FCRL5: variants seen among roughly 807,000 people sequenced by gnomAD.
FCRL5 encodes Fc receptor-like protein 5.
In FCRL5, 79 loss-of-function variants were observed where a neutral mutation model predicts 92.1. The ratio of observed to expected loss-of-function variants is 0.86; its 90% CI spans 0.72 to 1.03. The LOEUF (loss-of-function observed/expected upper bound fraction) is 1.03, where lower values mean the gene tolerates loss of function less well. Ranked by LOEUF, FCRL5 falls within the 50% of genes least tolerant of loss-of-function variation. The pLI, the probability that FCRL5 is intolerant of heterozygous loss-of-function variation, is 0.00. For missense variants in FCRL5, 1,160 were observed against 1,181.1 expected (o/e 0.98, Z 0.26); for synonymous variants, 466 against 469.3 (o/e 0.99, Z 0.09).
At chr1:157,525,023 A>T (rs930403397) in intron 9 of FCRL5, among the ~76,000 whole-genome samples, 3 of 152,230 alleles carry the variant, frequency 2.0e-5, no homozygotes, top group East Asian at 1.9e-4. Flanking sequence ...AAATTTTTTA[A>T]AAAATTGAGC....
rs775962500 is a variant in FCRL5, at chr1:157,530,453, G to A, written c.1682-2558C>T. 5.3e-5 allele frequency among the ~76,000 whole-genome samples: 8 copies of A among 152,178 alleles called. No homozygotes were observed. In the East Asian group the frequency reaches 9.6e-4, roughly 18 times the overall value. On this transcript the variant is annotated intron_variant, in intron 8 of 16. Coordinates refer to ENST00000361835, the MANE Select transcript of FCRL5 (RefSeq NM_031281.3). ...GCGATCTTGGCTCAGCACAACCTCC[G>A]CCATCCGGGTTGAAGCGATTCTCCT...
At chr1:157,524,119 G>A in intron 10 of FCRL5, 160 bp downstream of exon 10, 2 of 665,770 alleles carry the variant, frequency 3.0e-6, no homozygotes, top group South Asian at 4.3e-5. Context: ...ATACCACAAA[G>A]GATCCGAGAC....
In FCRL5 at chr1:157,539,076, C is replaced by T. The variant is rs1329278027; in HGVS notation, c.1402+10G>A. On this transcript the variant is annotated intron_variant, in intron 7 of 16. Coordinates refer to ENST00000361835, the MANE Select transcript of FCRL5 (RefSeq NM_031281.3). ...CAGGGGTGGGTGATTGGCAGGAACC[C>T]AGGGCTTACCAGTGACGGAGAGGCT... The T allele has an allele frequency of 6.2e-7, 1 of 1,610,496 alleles. No individual in the cohort carries two copies. Among genetic ancestry groups the T allele is most frequent in the Non-Finnish European group, 8.5e-7 (1 of 1,178,620 alleles).
At chr1:157,543,168 G>T in intron 5 of FCRL5, 31 bp from the exon 6 acceptor site, 1 of 1,597,648 alleles carries the variant, frequency 6.3e-7, no homozygotes, top group Non-Finnish European at 8.5e-7. Context: ...GTCAAGAATT[G>T]CTTTTGCCTC....
chr1:157,515,591 A>G lies in FCRL5; in HGVS notation c.*84T>C. 1 of 1,613,350 alleles carries G rather than the reference A, an allele frequency of 6.2e-7. No individual in the cohort carries two copies. On this transcript the variant is annotated 3_prime_UTR_variant, in exon 17 of 17. Coordinates refer to ENST00000361835, the MANE Select transcript of FCRL5 (RefSeq NM_031281.3). ...GTAGATATGGTCTGGGGCAGCCTAA[A>G]TCTTCCCACTTCAATGCTGCTTCTC... is the stretch of plus-strand genomic sequence containing the variant.
chr1:157,528,049 AT>A, intron 8 of FCRL5, 154 bp from the exon 9 acceptor site: 1 of 837,574 alleles, frequency 1.2e-6, no homozygotes, highest in Non-Finnish European at 1.8e-6. Flanking sequence ...TGATGACATG[AT>A]TGTATACCTA....
At chr1:157,534,535 A>G in intron 8 of FCRL5, 79 bp downstream of exon 8, 1 of 1,538,634 alleles carries the variant, frequency 6.5e-7, no homozygotes, top group South Asian at 1.1e-5. Context: ...GAAACTGGAC[A>G]GTGCAAACAG....
At position 157,524,348 on chromosome 1, in the gene FCRL5, T is replaced by C. The variant is rs943113836; in HGVS notation, c.2170A>G (p.Ile724Val). 1 of 1,614,128 alleles carries C rather than the reference T, an allele frequency of 6.2e-7. No homozygotes were observed. Among genetic ancestry groups the C allele is most frequent in the African/African-American group, 1.3e-5 (1 of 74,946 alleles). ...CCATTGTCTGCCTCACAGGAGTAGA[T>C]TCCAGAATGTTCTGTAGTCAGAGAG... ...NLSLTTEHSG[I>V]YSCEADNGLE... Residue 724 changes from isoleucine (I) to valine (V), a missense_variant, in exon 10 of 17, where the codon ATC (isoleucine) becomes GTC (valine). By Grantham distance (29) the Ile-to-Val change is conservative. Transcript: ENST00000361835.
intron 11 of FCRL5, 99 bp downstream of exon 11, chr1:157,520,918 C>T (rs760923241): frequency 3.5e-5 from 48 of 1,376,994 alleles, no homozygotes; most frequent in Non-Finnish European, 4.2e-5. Flanking sequence ...TTACTTCGCC[C>T]TGAGGAGTGC....
In FCRL5 at chr1:157,524,495, G is replaced by C. The variant is rs779058569; in HGVS notation, c.2023C>G (p.Leu675Val). Reference sequence around the variant, plus strand: ...AGGGCCTCACAGTGAAGCTCCAGCAGGTCCCCCACCACAGCCTGGGCCCTG... The same window carrying C: ...AGGGCCTCACAGTGAAGCTCCAGCACGTCCCCCACCACAGCCTGGGCCCTG... ...APRAQAVVGDLLELHCEALRG... is the reference protein window; with the variant it reads ...APRAQAVVGDVLELHCEALRG... The change falls in exon 10 of 17, where the codon CTG (leucine) becomes GTG (valine). Residue 675 changes from leucine (L) to valine (V), a missense_variant. Coordinates refer to ENST00000361835, the MANE Select transcript of FCRL5 (RefSeq NM_031281.3). The C allele has an allele frequency of 6.2e-6, 10 of 1,614,142 alleles. No homozygotes were observed. The highest frequency in any genetic ancestry group is 8.5e-6 in the Non-Finnish European group (10 of 1,179,948).
chr1:157,546,591 T>G (rs1360585433), intron 3 of FCRL5, among the ~76,000 whole-genome samples: 3 of 152,188 alleles, frequency 2.0e-5, no homozygotes, highest in Non-Finnish European at 4.4e-5. Flanking sequence ...TATAAATTGC[T>G]GGACCCCACT....
rs1156748092 is a variant in FCRL5, at chr1:157,514,294, A to G, written c.*1381T>C. 2 of 152,260 alleles carry G rather than the reference A, an allele frequency of 1.3e-5. No individual in the cohort carries two copies. The highest frequency in any genetic ancestry group is 4.8e-5 in the African/African-American group (2 of 41,464). The allele number at this position is 152,260 out of a possible 1,614,324, so 9.4% of individuals were successfully genotyped here. On this transcript the variant is annotated 3_prime_UTR_variant, in exon 17 of 17. Coordinates refer to ENST00000361835, the MANE Select transcript of FCRL5 (RefSeq NM_031281.3). ...TCCCATTGCTCAGAGATGGGAGAAC[A>G]ACTCTGAATGGAGAGGGCTCAGGTT...
chr1:157,549,909 G>A (rs1276803316), intron 1 of FCRL5, among the ~76,000 whole-genome samples: 1 of 152,062 alleles, frequency 6.6e-6, no homozygotes, highest in Non-Finnish European at 1.5e-5. Context: ...GGGGTATGTT[G>A]GGGGCAGAAG....
Position 157,534,722 on chromosome 1 carries a change from C to A in FCRL5, c.1573G>T (p.Val525Leu). 1 of 1,614,072 alleles carries A rather than the reference C, an allele frequency of 6.2e-7. No individual in the cohort carries two copies. Among genetic ancestry groups the A allele is most frequent in the Non-Finnish European group, 8.5e-7 (1 of 1,180,002 alleles). Residue 525 changes from valine (V) to leucine (L), a missense_variant, in exon 8 of 17, where the codon GTG becomes TTG. Coordinates refer to ENST00000361835, the MANE Select transcript of FCRL5 (RefSeq NM_031281.3). The stretch of plus-strand genomic sequence containing the variant: ...TCAGTCAGAGAGAAGCTGAAGGACA[C>A]TCTTCCCACAGAGGGTGTTGAGCTG... ...WSSSTPSVGR[V>L]SFSFSLTEGH...
chr1:157,519,375 TTGA>T (rs1373818834), intron 13 of FCRL5, among the ~76,000 whole-genome samples: 1 of 152,186 alleles, frequency 6.6e-6, no homozygotes, highest in East Asian at 1.9e-4. Flanking sequence ...ACAAGAGGTG[TTGA>T]TGAGATCAGC....
chr1:157,532,898 G>T (rs1650763159), intron 8 of FCRL5: 1 of 148,472 alleles, frequency 6.7e-6, no homozygotes, highest in Non-Finnish European at 1.5e-5. Flanking sequence ...TTTGTCATTA[G>T]GTGTTTTTTC....
At position 157,543,016 on chromosome 1, in the gene FCRL5, A is replaced by G. The variant is rs1009580680; in HGVS notation, c.966T>C (p.Tyr322=). ...EDSLRTLYRF[Y]HEGVPLRHKS... ...TGTGCCTCAGGGGGACACCCTCATG[A>G]TAAAACCTGTACAAAGTGCGCAGAG... The change falls in exon 6 of 17, where the codon TAT becomes TAC. Residue 322 remains tyrosine, a synonymous_variant. Transcript: ENST00000361835. 5.0e-6 allele frequency: 8 copies of G among 1,614,220 alleles called. No individual in the cohort carries two copies. The highest frequency in any genetic ancestry group is 2.2e-5 in the East Asian group (1 of 44,882).
intron 6 of FCRL5, 121 bp from the exon 7 acceptor site, chr1:157,539,485 CT>C (rs1651146457): frequency 3.0e-5 from 27 of 887,868 alleles, no homozygotes; most frequent in Non-Finnish European, 4.4e-5. Context: ...AAGCTGGGAA[CT>C]ATTTCAGGCA....
intron 1 of FCRL5, among the ~76,000 whole-genome samples, chr1:157,551,728 G>A (rs1481384725): frequency 6.6e-6 from 1 of 152,150 alleles, no homozygotes; most frequent in East Asian, 1.9e-4. Context: ...CAACCAGTTC[G>A]CACATATGAG....
Sources: allele counts gnomAD v4.1 joint callset (sites outside exome capture counted in the v4.1 genomes callset), GRCh38; gene constraint gnomAD v4.1.1; transcripts MANE v1.5; gene names NCBI Gene and HGNC (gene_info 2026-07-23, HGNC 2026-07-21).